Variants in GAS7 observed in about 807,000 individuals in gnomAD.
GAS7 encodes growth arrest-specific protein 7.
GAS7 carries 28 observed loss-of-function variants against 71.1 expected under a neutral mutation model. That is an observed-to-expected ratio of 0.39 (90% CI 0.29 to 0.54). The LOEUF (loss-of-function observed/expected upper bound fraction) is 0.54, where lower values mean the gene tolerates loss of function less well. GAS7 is among the 20% of genes least tolerant of loss of function. The probability of loss-of-function intolerance (pLI) is 0.62; values close to 1 mark genes in which losing one functional copy is unlikely to be tolerated. For missense variants in GAS7, 436 were observed against 627.8 expected (o/e 0.69, Z 3.27); for synonymous variants, 258 against 245.8 (o/e 1.05, Z -0.46).
rs1293424599 is a variant in GAS7 at position 10,164,640 on chromosome 17, C to T, written c.183+33568G>A. Among the ~76,000 whole-genome samples the T allele has an allele frequency of 2.0e-5, 3 of 150,692 alleles. No individual in the cohort carries two copies. The East Asian group carries it at 5.9e-4, about 30-fold the overall frequency. ...TGATCATACCTGTGAATAGCCGCTG[C>T]ACTCCAATTTGGGCAACATAGCAAA... On this transcript the variant is annotated intron_variant, in intron 1 of 13. Coordinates refer to ENST00000432992, the MANE Select transcript of GAS7 (RefSeq NM_201433.2).
At chr17:9,920,182 A>AGAGT (rs112208548) in intron 11 of GAS7, among the ~76,000 whole-genome samples, 2 of 141,050 alleles carry the variant, frequency 1.4e-5, no homozygotes, top group Non-Finnish European at 3.2e-5. Flanking sequence ...AGATCATGTA[A>AGAGT]GTGTGTGTGT....
At chr17:10,092,807 T>TGCATCACCCTGATCTTTGTCTCCATGGTC in intron 1 of GAS7, among the ~76,000 whole-genome samples, 1 of 152,232 alleles carries the variant, frequency 6.6e-6, no homozygotes, top group Non-Finnish European at 1.5e-5. Context: ...GGCTTGTGGT[T>TGCATCACCCTGATCTTTGTCTCCATGGTC]GCATCACCCT....
At chr17:10,158,904 A>C (rs899713376) in intron 1 of GAS7, among the ~76,000 whole-genome samples, 2 of 150,836 alleles carry the variant, frequency 1.3e-5, no homozygotes, top group African/African-American at 4.9e-5. Context: ...AAAAATACAA[A>C]ATATTAGCTG....
At chr17:9,983,509 G>A (rs554903046) in intron 2 of GAS7, among the ~76,000 whole-genome samples, 187 of 148,898 alleles carry the variant, frequency 1.3e-3, no homozygotes, top group African/African-American at 4.1e-3. Context: ...AAAATAGGCC[G>A]GGCGCGGTGG....
chr17:9,911,999 C>T lies in GAS7; in HGVS notation c.*5229G>A. ...AGGTACAGGCCAGGCTGTGTGATCA[C>T]CAGCTAGGCAAGGCTCCAGCTGCGA... On this transcript the variant is annotated 3_prime_UTR_variant, in exon 14 of 14. Transcript: ENST00000432992. This position sits in a 1 kb window ranked among gnomAD's most constrained non-coding sequence, Gnocchi z 4.0. 1 of 232,072 alleles carries T rather than the reference C, an allele frequency of 4.3e-6. No homozygotes were observed. Among genetic ancestry groups the T allele is most frequent in the Non-Finnish European group, 8.5e-6 (1 of 117,312 alleles). The allele number at this position is 232,072 out of a possible 1,614,324, so 14.4% of individuals were successfully genotyped here.
intron 1 of GAS7, among the ~76,000 whole-genome samples, chr17:10,147,466 T>A (rs1158176447): frequency 6.6e-6 from 1 of 152,150 alleles, no homozygotes; most frequent in Non-Finnish European, 1.5e-5. Flanking sequence ...AAAGGAAACA[T>A]CCTCAAAGTT....
intron 2 of GAS7, among the ~76,000 whole-genome samples, chr17:10,001,182 G>A (rs149907776): frequency 3.7e-4 from 56 of 152,190 alleles, no homozygotes; most frequent in Middle Eastern, 3.4e-3. Context: ...AAGAGGACAC[G>A]AATAAAAACA....
intron 1 of GAS7, among the ~76,000 whole-genome samples, chr17:10,059,109 T>G (rs1455763283): frequency 1.3e-5 from 2 of 152,196 alleles, no homozygotes; most frequent in Non-Finnish European, 2.9e-5. Context: ...AGAAGACCAG[T>G]GTGGACCTGG....
intron 1 of GAS7, among the ~76,000 whole-genome samples, chr17:10,122,176 C>T (rs2073910057): frequency 6.6e-6 from 1 of 152,208 alleles, no homozygotes. Context: ...TTTATCTGTG[C>T]ACACCGGTGG....
intron 1 of GAS7, among the ~76,000 whole-genome samples, chr17:10,066,647 T>A (rs1284780020): frequency 6.6e-6 from 1 of 152,150 alleles, no homozygotes. Context: ...ACAAGGTCAA[T>A]TTTTTTAAAA....
rs948992551 is a variant in GAS7, at chr17:9,981,562, A to G, written c.385+242T>C. ...CTCTGACACCTCACCTCCCCCAGCC[A>G]TCTCCTCCCACTAAGCGCCTGAGGA... On this transcript the variant is annotated intron_variant, in intron 3 of 13. Coordinates refer to ENST00000432992, the MANE Select transcript of GAS7 (RefSeq NM_201433.2). This position sits in a 1 kb window ranked among gnomAD's most constrained non-coding sequence, Gnocchi z 4.4. 3.9e-5 allele frequency among the ~76,000 whole-genome samples: 6 copies of G among 152,056 alleles called. No homozygotes were observed. Among genetic ancestry groups the G allele is most frequent in the Non-Finnish European group, 7.4e-5 (5 of 68,000 alleles).
intron 1 of GAS7, among the ~76,000 whole-genome samples, chr17:10,075,848 C>A (rs1364635086): frequency 6.6e-6 from 1 of 151,432 alleles, no homozygotes; most frequent in Admixed American, 6.6e-5. Context: ...CCTGTAATCC[C>A]AGCATTTTGA....
At chr17:9,965,836 TCCAGGTCTC>T (rs1747909986) in intron 4 of GAS7, among the ~76,000 whole-genome samples, 1 of 151,980 alleles carries the variant, frequency 6.6e-6, no homozygotes, top group Non-Finnish European at 1.5e-5. Context: ...TGCCCACCCA[TCCAGGTCTC>T]CAAGGGCTGA....
intron 3 of GAS7, among the ~76,000 whole-genome samples, chr17:9,977,833 A>G (rs1228977799): frequency 2.3e-4 from 35 of 152,184 alleles, no homozygotes; most frequent in Admixed American, 2.2e-3. Context: ...GCTTACCAGT[A>G]TCCAACAAAC....
intron 2 of GAS7, among the ~76,000 whole-genome samples, chr17:9,985,888 G>A (rs968629867): frequency 7.9e-5 from 12 of 152,276 alleles, no homozygotes; most frequent in Non-Finnish European, 1.6e-4. Flanking sequence ...CTTCCCCGGG[G>A]GTTGCTCCCA....
chr17:10,147,864 A>T (rs146877206), intron 1 of GAS7, among the ~76,000 whole-genome samples: 25 of 152,216 alleles, frequency 1.6e-4, no homozygotes, highest in Non-Finnish European at 2.8e-4. Flanking sequence ...AGAGCTCATA[A>T]TAAAAAGAGT....
At chr17:10,007,470 C>CA (rs1295683186) in intron 2 of GAS7, among the ~76,000 whole-genome samples, 1 of 151,548 alleles carries the variant, frequency 6.6e-6, no homozygotes, top group African/African-American at 2.4e-5. Flanking sequence ...ACTAAAAATA[C>CA]AAAATTAGCC....
intron 1 of GAS7, among the ~76,000 whole-genome samples, chr17:10,058,875 C>T (rs1160759626): frequency 3.9e-5 from 6 of 152,214 alleles, no homozygotes; most frequent in South Asian, 2.1e-4. Flanking sequence ...GCTGAATCCA[C>T]GCAAATCCAA....
In GAS7 at chr17:9,980,376, G is replaced by C. The variant is rs576297806; in HGVS notation, c.385+1428C>G. 2.0e-5 allele frequency among the ~76,000 whole-genome samples: 3 copies of C among 152,326 alleles called. No homozygotes were observed. The East Asian group carries it at 5.8e-4, about 29-fold the overall frequency. On this transcript the variant is annotated intron_variant, in intron 3 of 13. Coordinates refer to ENST00000432992, the MANE Select transcript of GAS7 (RefSeq NM_201433.2). The stretch of plus-strand genomic sequence containing the variant: ...CTCCCTCTTCCGATCCAGTATTCCA[G>C]AGTCCTGTGATTACCTTTGGTCCTT...
Sources: gnomAD v4.1 joint callset for allele counts (sites outside exome capture counted in the v4.1 genomes callset) on GRCh38, gnomAD v4.1.1 for gene constraint, Gnocchi (gnomAD v3.1) non-coding constraint, MANE v1.5 for transcripts, NCBI Gene and HGNC (gene_info 2026-07-23, HGNC 2026-07-21) for gene names.